Variants in SOD2 observed in about 807,000 individuals in gnomAD.
SOD2 encodes superoxide dismutase [Mn], mitochondrial.
Under a neutral mutation model 27.0 loss-of-function variants are expected in SOD2, and 11 were observed. That is an observed-to-expected ratio of 0.41 (90% CI 0.26 to 0.67). The LOEUF is 0.67. Ranked by LOEUF, SOD2 falls within the 30% of genes least tolerant of loss-of-function variation. The pLI, the probability that SOD2 is intolerant of heterozygous loss-of-function variation, is 0.34. For missense variants in SOD2, 250 were observed against 274.5 expected, an observed-to-expected ratio of 0.91 and a Z score of 0.63; for synonymous variants, 105 against 103.0, an observed-to-expected ratio of 1.02 and a Z score of -0.12.
In SOD2 at chr6:159,681,487, C is replaced by A. The variant is rs1486721801; in HGVS notation, c.*1006G>T. On this transcript the variant is annotated 3_prime_UTR_variant, in exon 5 of 5. Coordinates refer to ENST00000538183, the MANE Select transcript of SOD2 (RefSeq NM_000636.4). Reference sequence around the variant, plus strand: ...TTTCTTCCTGAGGGGCCTGGCCAGACCTTAATGTTCCTTTCTGCGGACCCC... The same window carrying A: ...TTTCTTCCTGAGGGGCCTGGCCAGAACTTAATGTTCCTTTCTGCGGACCCC... 3 of 152,226 alleles carry A rather than the reference C, an allele frequency of 2.0e-5. No individual in the cohort carries two copies. Among genetic ancestry groups the A allele is most frequent in the Non-Finnish European group, 4.4e-5 (3 of 68,104 alleles). The allele number at this position is 152,226 out of a possible 1,614,324, so 9.4% of individuals were successfully genotyped here.
chr6:159,696,897 T>C (rs1298250984), upstream of SOD2, among the ~76,000 whole-genome samples: 2 of 151,866 alleles, frequency 1.3e-5, no homozygotes, highest in African/African-American at 4.8e-5. Context: ...AGTAGCTGGG[T>C]GTGGTAGCAT....
In SOD2 at chr6:159,678,379, T is replaced by C. The variant is rs1296548996; in HGVS notation, c.*4114A>G. The stretch of plus-strand genomic sequence containing the variant: ...CCATCTCTACTAAAAATACAAAAAT[T>C]AGCTGGGCATGGTGGTGCACACTTG... On this transcript the variant is annotated 3_prime_UTR_variant, in exon 5 of 5. Transcript: ENST00000538183. 6.6e-6 allele frequency: 1 copy of C among 151,918 alleles called. No individual in the cohort carries two copies. The highest frequency in any genetic ancestry group is 1.5e-5 in the Non-Finnish European group (1 of 67,992). The allele number at this position is 151,918 out of a possible 1,614,324, so 9.4% of individuals were successfully genotyped here.
At chr6:159,732,483 T>C (rs1375344104) in intron 1 of SOD2, among the ~76,000 whole-genome samples, 4 of 152,332 alleles carry the variant, frequency 2.6e-5, no homozygotes, top group East Asian at 1.9e-4. Flanking sequence ...GATACTGATA[T>C]ACCGGTTAAA....
intron 1 of SOD2, among the ~76,000 whole-genome samples, chr6:159,733,983 C>T (rs1484253308): frequency 1.3e-5 from 2 of 152,160 alleles, no homozygotes; most frequent in African/African-American, 4.8e-5. Flanking sequence ...GATTTTTCCT[C>T]TAAATTCTGC....
At chr6:159,708,267 AG>A (rs757409958) in intron 1 of SOD2, among the ~76,000 whole-genome samples, 14 of 152,236 alleles carry the variant, frequency 9.2e-5, no homozygotes, top group Non-Finnish European at 1.8e-4. Context: ...AGTTCTGGCC[AG>A]GGCCATCAGG....
exon 1 of SOD2, chr6:159,761,532 C>T (rs1313391502): frequency 4.4e-6 from 2 of 456,464 alleles, no homozygotes; most frequent in Middle Eastern, 3.3e-4. Context: ...CGCATAGGAC[C>T]TCCCGAAGCC....
chr6:159,693,157 C>A lies in SOD2; in HGVS notation c.11G>T (p.Arg4Leu). The change falls in exon 1 of 5, where the codon CGG becomes CTG. Residue 4 changes from arginine (R) to leucine (L), a missense_variant. Coordinates refer to ENST00000538183, the MANE Select transcript of SOD2 (RefSeq NM_000636.4). ...CCTTTCTTCTCACCCGCACACTGCC[C>A]GGCTCAACATGCTGCTAGTGCTGGT... Reference protein sequence around the residue: MLSRAVCGTSRQLA... With the variant: MLSLAVCGTSRQLA... 1 of 1,533,752 alleles carries A rather than the reference C, an allele frequency of 6.5e-7. No individual in the cohort carries two copies. The highest frequency in any genetic ancestry group is 2.0e-4 in the Middle Eastern group (1 of 5,016).
At chr6:159,700,053 G>A (rs367702931) in intron 1 of SOD2, among the ~76,000 whole-genome samples, 11 of 152,236 alleles carry the variant, frequency 7.2e-5, no homozygotes, top group African/African-American at 2.4e-4. Flanking sequence ...AGATAAAATC[G>A]CATAAAATAA....
rs1779804861 is a variant in SOD2 at position 159,677,520 on chromosome 6, T to C, written c.*4973A>G. Reference sequence around the variant, plus strand: ...AGCTCCTATATTCCAATGACCAGAGTAAAATATCACCAGAACTTTATGTAA... The same window carrying C: ...AGCTCCTATATTCCAATGACCAGAGCAAAATATCACCAGAACTTTATGTAA... On this transcript the variant is annotated 3_prime_UTR_variant, in exon 5 of 5. Coordinates refer to ENST00000538183, the MANE Select transcript of SOD2 (RefSeq NM_000636.4). 1 of 152,100 alleles carries C rather than the reference T, an allele frequency of 6.6e-6. No individual in the cohort carries two copies. Among genetic ancestry groups the C allele is most frequent in the Non-Finnish European group, 1.5e-5 (1 of 68,022 alleles). 9.4% of individuals were successfully genotyped at this position (152,100 alleles called of 1,614,324 possible). A position where few individuals can be genotyped will look rare whatever the true frequency, so the allele number is the denominator to read the frequency against.
upstream of SOD2, among the ~76,000 whole-genome samples, chr6:159,747,179 G>A (rs369332051): frequency 3.0e-4 from 45 of 152,274 alleles, 2 homozygotes; most frequent in South Asian, 9.1e-3. Context: ...CTTTGAGTAT[G>A]AAGAAAATGA....
chr6:159,740,998 A>G (rs959753976), intron 1 of SOD2, among the ~76,000 whole-genome samples: 2 of 152,062 alleles, frequency 1.3e-5, no homozygotes, highest in African/African-American at 4.8e-5. Flanking sequence ...CTTTTTGTTC[A>G]TTATGTTGTA....
At chr6:159,748,164 C>T (rs201600176), upstream of SOD2, 43 of 1,601,376 alleles carry the variant, frequency 2.7e-5, no homozygotes, top group East Asian at 5.9e-4. This position sits in a 1 kb window ranked among gnomAD's most constrained non-coding sequence, Gnocchi z 5.6. Context: ...TTGATTTGGT[C>T]GTAATTGTTT....
rs530961535 is a variant in SOD2, at chr6:159,705,350, C to T, written c.-115-12487G>A. ...GCTAAAGAAGGAAGTCTGAACCCAT[C>T]GCAAAGAAGTTAAAAACCATGAAAA... On this transcript the variant is annotated intron_variant, in intron 1 of 2. Coordinates refer to the SOD2 transcript ENST00000401980. Among the ~76,000 whole-genome samples, 152 of 152,238 alleles carry T rather than the reference C, an allele frequency of 1.0e-3. 1 individual carries two copies. The highest frequency in any genetic ancestry group is 3.4e-3 in the Middle Eastern group (1 of 294).
At chr6:159,750,020 A>G (rs553840731), upstream of SOD2, among the ~76,000 whole-genome samples, 2 of 152,300 alleles carry the variant, frequency 1.3e-5, no homozygotes, top group South Asian at 2.1e-4. Flanking sequence ...TGTAAGTATC[A>G]TATGTTTGTG....
chr6:159,716,998 A>C (rs1006131463), intron 1 of SOD2, among the ~76,000 whole-genome samples: 4 of 152,228 alleles, frequency 2.6e-5, no homozygotes, highest in Non-Finnish European at 5.9e-5. Flanking sequence ...ATGCCTAGTC[A>C]TTCTGGCATG....
chr6:159,742,210 G>T, intron 1 of SOD2: 1 of 1,373,894 alleles, frequency 7.3e-7, no homozygotes, highest in South Asian at 1.3e-5. Context: ...AAATCAAAAG[G>T]ATAGTTGTTT....
chr6:159,760,601 G>A (rs1780103267), intron 1 of SOD2: 1 of 152,140 alleles, frequency 6.6e-6, no homozygotes, highest in South Asian at 2.1e-4. Flanking sequence ...AAATGAAGAG[G>A]GTCAGTCAGC....
upstream of SOD2, among the ~76,000 whole-genome samples, chr6:159,746,881 G>T (rs1010907617): frequency 2.0e-5 from 3 of 152,098 alleles, no homozygotes; most frequent in African/African-American, 7.2e-5. Flanking sequence ...TGACTATTGG[G>T]TCTTTGTAAA....
At chr6:159,699,009 C>G (rs1777480225) in intron 1 of SOD2, among the ~76,000 whole-genome samples, 1 of 151,880 alleles carries the variant, frequency 6.6e-6, no homozygotes, top group Admixed American at 6.6e-5. Flanking sequence ...CCATGTTGTT[C>G]AAGGGTCAAG....
Sources: allele counts gnomAD v4.1 joint callset (sites outside exome capture counted in the v4.1 genomes callset), GRCh38; gene constraint gnomAD v4.1.1; non-coding constraint Gnocchi (gnomAD v3.1); transcripts MANE v1.5; gene names NCBI Gene and HGNC (gene_info 2026-07-23, HGNC 2026-07-21).